The following ACTN2 variants were observed in gnomAD, a reference collection of about 807,000 sequenced individuals.
The protein encoded by ACTN2 is actinin alpha 2.
In ACTN2, 39 loss-of-function variants were observed where a neutral mutation model predicts 113.8. The observed-to-expected ratio is 0.34, with a 90% CI of 0.27 to 0.45. The LOEUF (loss-of-function observed/expected upper bound fraction) is 0.45, where lower values mean the gene tolerates loss of function less well. Among genes scored for constraint, ACTN2 ranks in the 20% least tolerant of loss-of-function variants. ACTN2 has a pLI of 1.00. For missense variants in ACTN2, 992 were observed against 1,177.9 expected (o/e 0.84, Z 2.31); for synonymous variants, 429 against 444.1 (o/e 0.97, Z 0.43).
chr1:236,686,850 CG>C, intron 1 of ACTN2, 51 bp downstream of exon 1: 3 of 1,335,158 alleles, frequency 2.2e-6, no homozygotes, highest in Non-Finnish European at 1.9e-6. Context: ...GGGTCCCCCG[CG>C]GGGCTCCCGT....
chr1:236,726,302 A>G (rs1259811079), intron 5 of ACTN2, among the ~76,000 whole-genome samples: 3 of 152,136 alleles, frequency 2.0e-5, no homozygotes, highest in Non-Finnish European at 4.4e-5. Context: ...ATCTTACTCT[A>G]GCCTTCACCC....
At chr1:236,715,165 T>G (rs985414599) in intron 1 of ACTN2, among the ~76,000 whole-genome samples, 1 of 151,990 alleles carries the variant, frequency 6.6e-6, no homozygotes, top group Admixed American at 6.6e-5. Context: ...CTTTTTTTTT[T>G]TTTTATTCTA....
chr1:236,745,625 AG>A (rs1659210657), intron 12 of ACTN2, among the ~76,000 whole-genome samples: 1 of 152,112 alleles, frequency 6.6e-6, no homozygotes. Context: ...GAATGTTCTC[AG>A]TTCCCGCTCT....
rs1659757252 is a variant in ACTN2 at position 236,763,071 on chromosome 1, A to AG, written c.*456dup. On this transcript the variant is annotated 3_prime_UTR_variant, in exon 21 of 21. Transcript: ENST00000366578. Reference sequence around the variant, plus strand: ...CTAATATGCTTATGTGATTGCCCCTAGGGGAGTATATTTGGGATTCTAATG... The same window carrying AG: ...CTAATATGCTTATGTGATTGCCCCTAGGGGGAGTATATTTGGGATTCTAATG... 4.7e-6 allele frequency: 1 copy of AG among 211,708 alleles called. No individual in the cohort carries two copies. The highest frequency in any genetic ancestry group is 9.8e-6 in the Non-Finnish European group (1 of 102,508). 13.1% of individuals were successfully genotyped at this position (211,708 alleles called of 1,614,324 possible). A position where few individuals can be genotyped will look rare whatever the true frequency, so the allele number is the denominator to read the frequency against.
chr1:236,724,304 A>G (rs1188866600), intron 4 of ACTN2, among the ~76,000 whole-genome samples: 2 of 152,168 alleles, frequency 1.3e-5, no homozygotes, highest in African/African-American at 4.8e-5. Flanking sequence ...AGCACCTCCT[A>G]AAGGCCCCAT....
At chr1:236,708,746 T>C (rs542850645) in intron 1 of ACTN2, among the ~76,000 whole-genome samples, 55 of 152,336 alleles carry the variant, frequency 3.6e-4, no homozygotes, top group Admixed American at 1.1e-3. Context: ...TGAACCAGTA[T>C]GTTCTGCTCC....
At chr1:236,736,815 A>G in intron 8 of ACTN2, 1 of 637,756 alleles carries the variant, frequency 1.6e-6, no homozygotes, top group Non-Finnish European at 2.7e-6. Context: ...TCCTGGACCC[A>G]AATATTTCTG....
Position 236,754,195 on chromosome 1 carries a change from G to A in ACTN2, c.1974+114G>A, listed in dbSNP as rs1040693187. Reference sequence around the variant, plus strand: ...TCCAGCCACCCACTCAGTCAGGTGGGAGCACCGTTCTGTTATCACCCCGGC... The same window carrying A: ...TCCAGCCACCCACTCAGTCAGGTGGAAGCACCGTTCTGTTATCACCCCGGC... On this transcript the variant is annotated intron_variant, in intron 16 of 20. Transcript: ENST00000366578. This position sits in a 1 kb window ranked among gnomAD's most constrained non-coding sequence, Gnocchi z 4.9. The A allele has an allele frequency of 7.1e-6, 10 of 1,410,566 alleles. No homozygotes were observed. In the Admixed American group the frequency reaches 1.6e-4, roughly 22 times the overall value. 87.4% of individuals were successfully genotyped at this position (1,410,566 alleles called of 1,614,324 possible).
At chr1:236,755,342 G>T in intron 17 of ACTN2, 144 bp downstream of exon 17, 1 of 939,860 alleles carries the variant, frequency 1.1e-6, no homozygotes, top group Non-Finnish European at 1.7e-6. Flanking sequence ...AGCCTTTCCA[G>T]TCACTATTTG....
intron 1 of ACTN2, among the ~76,000 whole-genome samples, chr1:236,704,608 C>T (rs1284364915): frequency 4.6e-5 from 7 of 152,124 alleles, no homozygotes; most frequent in African/African-American, 7.2e-5. Context: ...GAAACAGGTA[C>T]GTATATTTAC....
chr1:236,706,246 C>CT (rs558884948), intron 1 of ACTN2, among the ~76,000 whole-genome samples: 153 of 151,994 alleles, frequency 1.0e-3, no homozygotes, highest in African/African-American at 3.4e-3. Flanking sequence ...TCTCAGGTTT[C>CT]TTTTTATTAA....
At chr1:236,727,298 C>G (rs1216443126) in intron 5 of ACTN2, among the ~76,000 whole-genome samples, 2 of 152,076 alleles carry the variant, frequency 1.3e-5, no homozygotes, top group Non-Finnish European at 2.9e-5. Flanking sequence ...GGTAGACGTC[C>G]TTGTGTATAT....
chr1:236,762,335 A>G, intron 20 of ACTN2, 126 bp from the exon 21 acceptor site: 1 of 1,293,782 alleles, frequency 7.7e-7, no homozygotes, highest in Admixed American at 1.8e-5. Flanking sequence ...CTACTATGCC[A>G]ATAGACTCCC....
At chr1:236,709,426 T>C (rs1657956065) in intron 1 of ACTN2, among the ~76,000 whole-genome samples, 1 of 149,238 alleles carries the variant, frequency 6.7e-6, no homozygotes, top group Admixed American at 6.7e-5. Flanking sequence ...GACAAATAAT[T>C]GCATGGTGTC....
At chr1:236,715,831 C>A (rs1393473358) in intron 1 of ACTN2, among the ~76,000 whole-genome samples, 1 of 152,178 alleles carries the variant, frequency 6.6e-6, no homozygotes, top group African/African-American at 2.4e-5. Context: ...TGGCAGGCAC[C>A]TGTATTCCTA....
intron 1 of ACTN2, among the ~76,000 whole-genome samples, chr1:236,695,614 C>A (rs1339744043): frequency 8.8e-6 from 1 of 113,978 alleles, no homozygotes; most frequent in Non-Finnish European, 1.6e-5. Context: ...AAAGAAAATT[C>A]CAAGTTCATT....
At chr1:236,743,819 A>C (rs546903007) in intron 11 of ACTN2, among the ~76,000 whole-genome samples, 20 of 152,328 alleles carry the variant, frequency 1.3e-4, no homozygotes, top group East Asian at 5.8e-4. Flanking sequence ...CCCCGGATGA[A>C]TTCTTAATCT....
rs374374501 is a variant in ACTN2 at position 236,725,892 on chromosome 1, G to A, written c.449-41G>A. The A allele has an allele frequency of 4.1e-5, 65 of 1,577,030 alleles. No homozygotes were observed. In the African/African-American group the frequency reaches 4.4e-4, roughly 11 times the overall value. On this transcript the variant is annotated intron_variant, in intron 4 of 20. Transcript: ENST00000366578. ...TGACTAGGAGCTAAGTGAACTAAGC[G>A]GCATTTCCCTGGGGCCACTTTTTCT...
chr1:236,737,254 C>T lies in ACTN2; in HGVS notation c.876+40C>T, dbSNP rs148335592. 0.02 allele frequency: 27,196 copies of T among 1,361,812 alleles called. 350 individuals are homozygous for T. Among genetic ancestry groups the T allele is most frequent in the Middle Eastern group, 0.027 (138 of 5,094 alleles). 84.4% of individuals were successfully genotyped at this position (1,361,812 alleles called of 1,614,324 possible). A position where few individuals can be genotyped will look rare whatever the true frequency, so the allele number is the denominator to read the frequency against. ...TGACCTGCAGTTCTGTCCATCCTCA[C>T]GCAGGGGCTGAGGCACAGAGGGTGA... On this transcript the variant is annotated intron_variant, in intron 9 of 20. Transcript: ENST00000366578.
Sources: gnomAD v4.1 joint callset for allele counts (sites outside exome capture counted in the v4.1 genomes callset) on GRCh38, gnomAD v4.1.1 for gene constraint, Gnocchi (gnomAD v3.1) non-coding constraint, MANE v1.5 for transcripts, NCBI Gene and HGNC (gene_info 2026-07-23, HGNC 2026-07-21) for gene names.